Variants in RFC5 observed in about 807,000 individuals in gnomAD.
RFC5 encodes the protein replication factor C subunit 5.
In RFC5, 26 loss-of-function variants were observed where a neutral mutation model predicts 44.3. The ratio of observed to expected loss-of-function variants is 0.59; its 90% CI spans 0.43 to 0.81. RFC5 has a LOEUF of 0.81. Among genes scored for constraint, RFC5 ranks in the 40% least tolerant of loss-of-function variants. The probability of loss-of-function intolerance (pLI) is 0.00; values close to 1 mark genes in which losing one functional copy is unlikely to be tolerated. For synonymous variants in RFC5, 155 were observed against 155.2 expected (o/e 1.00, Z 0.01); for missense variants, 328 against 418.6 (o/e 0.78, Z 1.89).
rs1320255941 is a variant in RFC5 at position 118,026,912 on chromosome 12, G to C, written c.687G>C (p.Lys229Asn). ...ILQSTNMAFG[K>N]VTEETVYTCT... ...AGAGCACCAATATGGCCTTTGGGAAGGTGACAGAGGAGACTGTCTACACCT... is the reference window on the plus strand; with the variant it reads ...AGAGCACCAATATGGCCTTTGGGAACGTGACAGAGGAGACTGTCTACACCT... Residue 229 changes from lysine (K) to asparagine (N), a missense_variant, in exon 8 of 11, where the codon AAG becomes AAC. Transcript: ENST00000454402. 6.2e-7 allele frequency: 1 copy of C among 1,614,004 alleles called. No homozygotes were observed. Among genetic ancestry groups the C allele is most frequent in the Non-Finnish European group, 8.5e-7 (1 of 1,179,978 alleles).
In RFC5 at chr12:118,025,732, G is replaced by A; in HGVS notation, c.582-15G>A. 6.5e-7 allele frequency: 1 copy of A among 1,548,804 alleles called. No homozygotes were observed. The highest frequency in any genetic ancestry group is 8.9e-7 in the Non-Finnish European group (1 of 1,121,974). On this transcript the variant is annotated splice_polypyrimidine_tract_variant and intron_variant, in intron 6 of 10. Coordinates refer to ENST00000454402, the MANE Select transcript of RFC5 (RefSeq NM_007370.7). ...TCAGGGGGCCTCATAAATCCCTTTTGCTTATTTCTTTCAGAGTTGATATAA... is the reference window on the plus strand; with the variant it reads ...TCAGGGGGCCTCATAAATCCCTTTTACTTATTTCTTTCAGAGTTGATATAA...
chr12:118,034,117 T>G (rs1490108626), downstream of RFC5: 1 of 1,559,388 alleles, frequency 6.4e-7, no homozygotes, highest in Non-Finnish European at 8.8e-7. Context: ...CAAGACCAGA[T>G]GTTTGGCCCA....
intron 10 of RFC5, among the ~76,000 whole-genome samples, chr12:118,030,851 A>G (rs551036892): frequency 6.6e-6 from 1 of 152,274 alleles, no homozygotes; most frequent in Non-Finnish European, 1.5e-5. Flanking sequence ...GGGTTTCACC[A>G]TGTTGGCCAG....
intron 1 of RFC5, chr12:118,017,622 G>A: frequency 9.6e-7 from 1 of 1,037,420 alleles, no homozygotes; most frequent in Non-Finnish European, 1.2e-6. Context: ...TCTTTATTGT[G>A]GTTAAAAAAA....
downstream of RFC5, chr12:118,036,555 T>C (rs2031515989): frequency 6.4e-7 from 1 of 1,557,842 alleles, no homozygotes; most frequent in African/African-American, 1.4e-5. Context: ...AGCAAAGTGC[T>C]TAGGACTCAA....
chr12:118,029,778 T>C lies in RFC5; in HGVS notation c.879T>C (p.Phe293=), dbSNP rs2031193507. The C allele has an allele frequency of 1.2e-6, 2 of 1,608,950 alleles. No homozygotes were observed. Among genetic ancestry groups the C allele is most frequent in the Non-Finnish European group, 8.5e-7 (1 of 1,175,238 alleles). The change falls in exon 10 of 11, where the codon TTT becomes TTC. Residue 293 remains phenylalanine, a synonymous_variant. Coordinates refer to ENST00000454402, the MANE Select transcript of RFC5 (RefSeq NM_007370.7). ...ATTTTGTTTTTCCCTCAGTTGACTT[T>C]CCATCTTCAGTTCGAATACATTTAT... is the stretch of plus-strand genomic sequence containing the variant. The part of the protein sequence containing the change: ...EIHLFVHRVD[F]PSSVRIHLLT...
At chr12:118,033,993 T>G, downstream of RFC5, 2 of 660,730 alleles carry the variant, frequency 3.0e-6, no homozygotes, top group Non-Finnish European at 5.1e-6. Context: ...AAGTGGAATC[T>G]CTTCCTCTAA....
At chr12:118,027,406 C>A in intron 8 of RFC5, 1 of 180,596 alleles carries the variant, frequency 5.5e-6, no homozygotes, top group South Asian at 1.2e-4. Context: ...GGTGTGGTGG[C>A]TCATGCCTAT....
At chr12:118,030,926 C>T (rs542501015) in intron 10 of RFC5, among the ~76,000 whole-genome samples, 3 of 152,200 alleles carry the variant, frequency 2.0e-5, no homozygotes, top group African/African-American at 7.2e-5. Context: ...CCACCACGCC[C>T]GGCCTGATAC....
At chr12:118,018,413 T>C (rs1293430061) in intron 1 of RFC5, among the ~76,000 whole-genome samples, 2 of 151,888 alleles carry the variant, frequency 1.3e-5, no homozygotes, top group Non-Finnish European at 2.9e-5. Context: ...CTGTAGCATG[T>C]TTAACAGCAT....
chr12:118,025,111 CTT>C (rs1209302034), intron 6 of RFC5, 101 bp downstream of exon 6: 1 of 1,154,848 alleles, frequency 8.7e-7, no homozygotes, highest in East Asian at 2.4e-5. Flanking sequence ...TGGAAAACGA[CTT>C]TGCAGAGTGC....
chr12:118,039,753 TA>T, the RFC5 span, among the ~76,000 whole-genome samples: 129 of 152,170 alleles, frequency 8.5e-4, 1 homozygote, highest in Admixed American at 1.8e-3. Context: ...TATTTTTTTT[TA>T]TTTTTTTGAG....
intron 4 of RFC5, among the ~76,000 whole-genome samples, chr12:118,021,254 C>T (rs1170297853): frequency 6.6e-6 from 1 of 151,122 alleles, no homozygotes. Flanking sequence ...CTGTATCGTA[C>T]AGGCTGGAGT....
rs141283359 is a variant in RFC5, at chr12:118,021,983, C to T, written c.348-303C>T. 9.7e-4 allele frequency among the ~76,000 whole-genome samples: 148 copies of T among 152,224 alleles called. 1 individual carries two copies. The Middle Eastern group carries it at 0.014, about 14-fold the overall frequency. The stretch of plus-strand genomic sequence containing the variant: ...AAAAAAAGCAAAAGGGTGAGGGACT[C>T]AGGCATGAGTGAGGGAGACGGGAAA... On this transcript the variant is annotated intron_variant, in intron 4 of 10. Coordinates refer to ENST00000454402, the MANE Select transcript of RFC5 (RefSeq NM_007370.7).
chr12:118,027,309 T>C, intron 8 of RFC5: 1 of 361,754 alleles, frequency 2.8e-6, no homozygotes, highest in Non-Finnish European at 5.1e-6. Context: ...AATTTTCAAG[T>C]GGTCATGATA....
At chr12:118,024,631 A>G (rs2030804837) in intron 5 of RFC5, among the ~76,000 whole-genome samples, 1 of 151,788 alleles carries the variant, frequency 6.6e-6, no homozygotes, top group South Asian at 2.1e-4. Flanking sequence ...ATGTTGGCCA[A>G]ACCTCCTGAC....
At position 118,029,751 on chromosome 12, in the gene RFC5, T is replaced by A; in HGVS notation, c.872-20T>A. 6.4e-7 allele frequency: 1 copy of A among 1,571,266 alleles called. No individual in the cohort carries two copies. The highest frequency in any genetic ancestry group is 8.8e-7 in the Non-Finnish European group (1 of 1,141,182). On this transcript the variant is annotated intron_variant, in intron 9 of 10. Transcript: ENST00000454402. ...ACAGTAGAGAGTGACCTAACTCATT[T>A]GATTTTGTTTTTCCCTCAGTTGACT...
downstream of RFC5, among the ~76,000 whole-genome samples, chr12:118,035,501 A>C (rs1758806179): frequency 6.6e-6 from 1 of 152,216 alleles, no homozygotes. Flanking sequence ...GTATCTCAGA[A>C]GGCTCCAGGT....
At chr12:118,038,964 C>T in the RFC5 span, among the ~76,000 whole-genome samples, 1 of 152,130 alleles carries the variant, frequency 6.6e-6, no homozygotes, top group Non-Finnish European at 1.5e-5. Context: ...TAAAGGTTTC[C>T]TCATAGGAAA....
Sources: allele counts gnomAD v4.1 joint callset (sites outside exome capture counted in the v4.1 genomes callset), GRCh38; gene constraint gnomAD v4.1.1; transcripts MANE v1.5; gene names NCBI Gene and HGNC (gene_info 2026-07-23, HGNC 2026-07-21).